ANK1: variants seen among roughly 807,000 people sequenced by gnomAD.
ANK1 encodes ankyrin-1.
ANK1 carries 51 observed loss-of-function variants against 210.4 expected under a neutral mutation model. That is an observed-to-expected ratio of 0.24 (90% confidence interval 0.19 to 0.31). ANK1 has a LOEUF of 0.31. ANK1 is among the 10% of genes least tolerant of loss of function. The pLI is 1.00. For missense variants in ANK1, 2,051 were observed against 2,504.4 expected (o/e 0.82, Z 3.86); for synonymous variants, 967 against 1,025.9 (o/e 0.94, Z 1.10).
Position 41,695,193 on chromosome 8 carries a change from G to T in ANK1, c.3099C>A (p.Leu1033=). The part of the protein sequence containing the change: ...RYGESYLDQI[L]NGMDEELGSL... ...CGCCCCTACCTTCGTCCATCCCGTT[G>T]AGGATCTGATCCAGGTAGCTCTCTC... Residue 1033 remains leucine, a synonymous_variant, in exon 27 of 43, where the codon CTC becomes CTA. Transcript: ENST00000289734. The T allele has an allele frequency of 6.2e-7, 1 of 1,614,154 alleles. No homozygotes were observed. Among genetic ancestry groups the T allele is most frequent in the South Asian group, 1.1e-5 (1 of 91,076 alleles).
intron 38 of ANK1, 121 bp downstream of exon 38, chr8:41,672,233 T>A (rs1812634454): frequency 9.4e-7 from 1 of 1,068,190 alleles, no homozygotes; most frequent in Non-Finnish European, 1.3e-6. Flanking sequence ...TATGTGCTCC[T>A]GTGCAATTAG....
Position 41,723,039 on chromosome 8 carries a change from G to A in ANK1, c.909+86C>T, listed in dbSNP as rs1829669522. ...CTCATCTAGTAGTATTAGCATCTCTGTTTTACAGAAATAGGATTTGATGCC... is the reference window on the plus strand; with the variant it reads ...CTCATCTAGTAGTATTAGCATCTCTATTTTACAGAAATAGGATTTGATGCC... On this transcript the variant is annotated intron_variant, in intron 9 of 42. Coordinates refer to ENST00000289734, the MANE Select transcript of ANK1 (RefSeq NM_000037.4). The A allele has an allele frequency of 1.4e-5, 18 of 1,251,520 alleles. No homozygotes were observed. In the South Asian group the frequency reaches 2.2e-4, roughly 15 times the overall value. The allele number at this position is 1,251,520 out of a possible 1,614,324, so 77.5% of individuals were successfully genotyped here. A position where few individuals can be genotyped will look rare whatever the true frequency, so the allele number is the denominator to read the frequency against.
intron 10 of ANK1, 46 bp from the exon 11 acceptor site, chr8:41,718,250 G>A (rs368350722): frequency 1.7e-5 from 27 of 1,595,080 alleles, no homozygotes; most frequent in African/African-American, 5.4e-5. Flanking sequence ...GCTTACACAC[G>A]GGCCCAAGGA....
intron 40 of ANK1, among the ~76,000 whole-genome samples, chr8:41,663,084 T>TTG (rs199962722): frequency 0.017 from 2,398 of 140,158 alleles, 50 homozygotes; most frequent in African/African-American, 0.054. Flanking sequence ...CTGGCTAATT[T>TTG]TGTGTGTGTG....
At chr8:41,750,345 A>G (rs1234227298) in intron 2 of ANK1, among the ~76,000 whole-genome samples, 1 of 152,186 alleles carries the variant, frequency 6.6e-6, no homozygotes, top group Non-Finnish European at 1.5e-5. Flanking sequence ...GATCGTTCAG[A>G]TGGTCGAGCT....
chr8:41,780,900 G>A (rs1405478557), intron 1 of ANK1, among the ~76,000 whole-genome samples: 2 of 152,084 alleles, frequency 1.3e-5, no homozygotes, highest in African/African-American at 4.8e-5. Flanking sequence ...TTAGTTTCTG[G>A]GGCTGGGGAC....
intron 2 of ANK1, among the ~76,000 whole-genome samples, chr8:41,745,813 C>T (rs959435981): frequency 5.3e-5 from 8 of 152,116 alleles, no homozygotes; most frequent in Non-Finnish European, 1.0e-4. Context: ...TGGGCTCAGG[C>T]GATCCTCCTG....
chr8:41,803,015 AAGAAAGAAAGAAAGAAAGAAAGAAAG>A, intron 1 of ANK1, among the ~76,000 whole-genome samples: 3 of 97,498 alleles, frequency 3.1e-5, no homozygotes, highest in Non-Finnish European at 6.4e-5. Context: ...GAAAGAAAGA[AAGAAAGAAAGAAAGAAAGAAAGAAAG>A]AGAAAGAAAG....
chr8:41,666,562 A>T (rs868241078), intron 39 of ANK1, among the ~76,000 whole-genome samples: 89 of 152,272 alleles, frequency 5.8e-4, no homozygotes, highest in African/African-American at 2.1e-3. Context: ...GCTGGGTCAC[A>T]GTCATTTCAG....
chr8:41,797,452 G>A lies in ANK1; in HGVS notation c.27+60C>T. The A allele has an allele frequency of 1.3e-6, 2 of 1,503,066 alleles. No homozygotes were observed. Among genetic ancestry groups the A allele is most frequent in the Admixed American group, 1.8e-5 (1 of 55,016 alleles). The allele number at this position is 1,503,066 out of a possible 1,614,324, so 93.1% of individuals were successfully genotyped here. On this transcript the variant is annotated intron_variant, in intron 1 of 42. Coordinates refer to ENST00000289734, the MANE Select transcript of ANK1 (RefSeq NM_000037.4). The surrounding 1 kb of genome is among the most constrained non-coding windows in gnomAD (Gnocchi z 4.0). ...TTGCTCGCGTGCTGCCTACTGGCGC[G>A]GCCTGGGTGGCCCCCTCCTGACATC...
At position 41,718,133 on chromosome 8, in the gene ANK1, C is replaced by T. The variant is rs886062941; in HGVS notation, c.1179G>A (p.Thr393=). The T allele has an allele frequency of 1.2e-5, 20 of 1,614,000 alleles. No individual in the cohort carries two copies. Among genetic ancestry groups the T allele is most frequent in the Non-Finnish European group, 1.7e-5 (20 of 1,180,004 alleles). ...HVRVMELLLK[T]GASIDAVTES... ...CGGTGACCGCGTCGATCGAGGCTCC[C>T]GTCTTCAGCAGCAGCTCCATGACAC... Residue 393 remains threonine, a synonymous_variant, in exon 11 of 43, where the codon ACG becomes ACA. Transcript: ENST00000289734.
At chr8:41,780,385 T>C (rs1480444221) in intron 1 of ANK1, among the ~76,000 whole-genome samples, 1 of 152,206 alleles carries the variant, frequency 6.6e-6, no homozygotes, top group Non-Finnish European at 1.5e-5. Context: ...GTTGAATTCA[T>C]GAATAGCATT....
rs1848021736 is a variant in ANK1, at chr8:41,792,852, CA to C, written c.27+4659del. On this transcript the variant is annotated intron_variant, in intron 1 of 42. Coordinates refer to ENST00000289734, the MANE Select transcript of ANK1 (RefSeq NM_000037.4). ...AGCAAACTGCTAAGCAGTCATCAAC[CA>C]CGAGGTGTTCTGCAAATAATTTACT... Among the ~76,000 whole-genome samples, 3 of 152,306 alleles carry C rather than the reference CA, an allele frequency of 2.0e-5. No individual in the cohort carries two copies. The South Asian group carries it at 6.2e-4, about 32-fold the overall frequency.
chr8:41,889,189 T>C (rs569455710), intron 1 of ANK1, among the ~76,000 whole-genome samples: 165 of 152,306 alleles, frequency 1.1e-3, no homozygotes, highest in Non-Finnish European at 2.1e-3. Flanking sequence ...GTGCCTAGCA[T>C]AGCTTTGAAT....
At position 41,835,552 on chromosome 8, in the gene ANK1, G is replaced by A. The variant is rs146069294; in HGVS notation, c.126+60803C>T. 3.4e-3 allele frequency among the ~76,000 whole-genome samples: 517 copies of A among 152,300 alleles called. 2 individuals are homozygous for A. The highest frequency in any genetic ancestry group is 0.012 in the African/African-American group (491 of 41,576). ...AGGCTGCAGTCACCTTGTTACAGAG[G>A]CTTCCGCAGAAAACATCCAGGTTTT... On this transcript the variant is annotated intron_variant, in intron 1 of 42. Coordinates refer to the ANK1 transcript ENST00000265709.
chr8:41,696,626 C>T (rs1000184463), intron 25 of ANK1, 39 bp from the exon 26 acceptor site: 56 of 1,611,370 alleles, frequency 3.5e-5, no homozygotes, highest in Non-Finnish European at 4.7e-5. Flanking sequence ...TTCTGCATCC[C>T]CTCTCGGAGA....
intron 1 of ANK1, among the ~76,000 whole-genome samples, chr8:41,842,953 TCTC>T (rs1394410253): frequency 1.3e-5 from 2 of 152,056 alleles, no homozygotes; most frequent in Non-Finnish European, 2.9e-5. Context: ...TTCAAGCGAT[TCTC>T]CTGCCTCAGC....
At chr8:41,668,005 C>T (rs1811096216) in intron 39 of ANK1, among the ~76,000 whole-genome samples, 1 of 152,250 alleles carries the variant, frequency 6.6e-6, no homozygotes. Flanking sequence ...GAGCCCACTT[C>T]TGAAACTGTG....
intron 33 of ANK1, among the ~76,000 whole-genome samples, chr8:41,689,176 G>A (rs1390976874): frequency 1.3e-5 from 2 of 151,492 alleles, no homozygotes; most frequent in Non-Finnish European, 2.9e-5. Flanking sequence ...GGAGTGCAGT[G>A]CGATGGCACG....
Sources: allele counts gnomAD v4.1 joint callset (sites outside exome capture counted in the v4.1 genomes callset), GRCh38; gene constraint gnomAD v4.1.1; non-coding constraint Gnocchi (gnomAD v3.1); transcripts MANE v1.5; gene names NCBI Gene and HGNC (gene_info 2026-07-23, HGNC 2026-07-21).